TMCO5A: variants seen among roughly 807,000 people sequenced by gnomAD.
TMCO5A encodes the protein transmembrane and coiled-coil domain-containing protein 5A.
In TMCO5A, 34 loss-of-function variants were observed where a neutral mutation model predicts 42.3. The ratio of observed to expected loss-of-function variants is 0.80; its 90% CI spans 0.61 to 1.07. The LOEUF (loss-of-function observed/expected upper bound fraction) is 1.07. Ranked by LOEUF, TMCO5A falls within the 50% of genes least tolerant of loss-of-function variation. The pLI is 0.00. For missense variants in TMCO5A, 357 were observed against 327.9 expected, an observed-to-expected ratio of 1.09 and a Z score of -0.69; for synonymous variants, 131 against 115.6, an observed-to-expected ratio of 1.13 and a Z score of -0.86.
At chr15:38,023,779 G>A in the TMCO5A span, among the ~76,000 whole-genome samples, 1 of 152,094 alleles carries the variant, frequency 6.6e-6, no homozygotes, top group South Asian at 2.1e-4. Context: ...CTATCACATG[G>A]GTTTATCTTT....
chr15:37,947,358 A>G (rs1352579513), intron 10 of TMCO5A, among the ~76,000 whole-genome samples: 1 of 152,088 alleles, frequency 6.6e-6, no homozygotes, highest in Non-Finnish European at 1.5e-5. Context: ...ATGTGGAGTC[A>G]GAGTATCCAG....
downstream of TMCO5A, among the ~76,000 whole-genome samples, chr15:37,972,446 GTTA>G (rs1890692800): frequency 6.6e-6 from 1 of 152,126 alleles, no homozygotes; most frequent in South Asian, 2.1e-4. Flanking sequence ...GTCAGCATTT[GTTA>G]TTTTTTGAGT....
intron 5 of TMCO5A, 57 bp from the exon 6 acceptor site, chr15:37,938,101 G>GA: frequency 7.0e-7 from 1 of 1,427,466 alleles, no homozygotes; most frequent in Non-Finnish European, 9.6e-7. Context: ...ACACACCAGA[G>GA]AAAGTCTTTG....
chr15:38,012,872 A>G, the TMCO5A span, among the ~76,000 whole-genome samples: 1 of 152,214 alleles, frequency 6.6e-6, no homozygotes, highest in South Asian at 2.1e-4. Context: ...ATAGGGGATT[A>G]GCTACCAAGA....
At chr15:37,943,536 G>T (rs1173164399) in intron 10 of TMCO5A, 138 bp downstream of exon 10, 2 of 720,252 alleles carry the variant, frequency 2.8e-6, no homozygotes, top group East Asian at 5.6e-5. Flanking sequence ...TATAATTACA[G>T]AGCATTCCAA....
downstream of TMCO5A, chr15:37,951,520 A>C (rs937420649): frequency 9.0e-6 from 3 of 333,124 alleles, no homozygotes; most frequent in Non-Finnish European, 1.1e-5. Flanking sequence ...TAATTGATAA[A>C]TTATTCTAGT....
chr15:37,942,255 T>C lies in TMCO5A; in HGVS notation c.569T>C (p.Val190Ala), dbSNP rs1313400025. ...GAGGCTCTGTTCCTTGAGAGAGAAG[T>C]GTGAGCTTTGGCAAAGGAACATCCT... ...ELEALFLERE[V>A]SKLVSMNPVE... Residue 190 changes from valine to alanine, a missense_variant and splice_region_variant, in exon 9 of 12, where the codon GTA becomes GCA. Physicochemically the swap from Val to Ala is moderately conservative, Grantham distance 64 (BLOSUM62 0). Transcript: ENST00000319669. 1 of 1,612,592 alleles carries C rather than the reference T, an allele frequency of 6.2e-7. No individual in the cohort carries two copies.
chr15:37,946,410 T>G (rs114886633), intron 10 of TMCO5A, among the ~76,000 whole-genome samples: 2,098 of 152,268 alleles, frequency 0.014, 42 homozygotes, highest in African/African-American at 0.048. Flanking sequence ...ATGTCAATAG[T>G]AGTTTAATGT....
the TMCO5A span, among the ~76,000 whole-genome samples, chr15:37,973,477 T>C: frequency 1.3e-5 from 2 of 152,154 alleles, no homozygotes; most frequent in African/African-American, 2.4e-5. Context: ...ATTCTCATTG[T>C]AGAAATTTTT....
At chr15:38,035,823 C>T in the TMCO5A span, among the ~76,000 whole-genome samples, 2 of 152,124 alleles carry the variant, frequency 1.3e-5, no homozygotes, top group African/African-American at 4.8e-5. Context: ...AAGATGCTCT[C>T]GCACAAAGTG....
At chr15:38,017,155 C>A in the TMCO5A span, among the ~76,000 whole-genome samples, 1 of 152,052 alleles carries the variant, frequency 6.6e-6, no homozygotes, top group Non-Finnish European at 1.5e-5. Flanking sequence ...CCTGTGAAAG[C>A]AATGAAACCT....
chr15:37,979,634 G>A, the TMCO5A span, among the ~76,000 whole-genome samples: 1 of 152,114 alleles, frequency 6.6e-6, no homozygotes, highest in East Asian at 1.9e-4. Flanking sequence ...GAACCATGAG[G>A]AAAACAGAGT....
chr15:37,942,404 C>T (rs1889780111), intron 9 of TMCO5A, 149 bp downstream of exon 9: 8 of 661,816 alleles, frequency 1.2e-5, no homozygotes, highest in South Asian at 4.5e-5. Flanking sequence ...TCTGGTTGAC[C>T]CCAGTAGATC....
the TMCO5A span, among the ~76,000 whole-genome samples, chr15:38,029,430 T>C: frequency 2.0e-5 from 3 of 151,432 alleles, no homozygotes; most frequent in Non-Finnish European, 4.4e-5. Flanking sequence ...TGATAGTTCA[T>C]TATCCTGAGA....
intron 11 of TMCO5A, among the ~76,000 whole-genome samples, chr15:37,960,397 T>C (rs1890393177): frequency 6.6e-6 from 1 of 152,132 alleles, no homozygotes; most frequent in East Asian, 1.9e-4. Context: ...TATTCCATCA[T>C]ATAAATATAC....
the TMCO5A span, among the ~76,000 whole-genome samples, chr15:38,035,066 G>A: frequency 2.0e-5 from 3 of 152,176 alleles, no homozygotes; most frequent in African/African-American, 7.2e-5. Context: ...TATGGATAGA[G>A]CTTGCAGACT....
chr15:37,960,168 T>G (rs1294433003), intron 11 of TMCO5A, among the ~76,000 whole-genome samples: 1 of 151,728 alleles, frequency 6.6e-6, no homozygotes, highest in African/African-American at 2.4e-5. Flanking sequence ...TTCCCTACAT[T>G]TTTGTCCCTC....
chr15:37,991,533 A>G, the TMCO5A span, among the ~76,000 whole-genome samples: 6 of 151,840 alleles, frequency 4.0e-5, no homozygotes, highest in African/African-American at 1.5e-4. Flanking sequence ...TTCTCTGAAT[A>G]CTCTCTGCTT....
the TMCO5A span, among the ~76,000 whole-genome samples, chr15:38,016,120 TG>T: frequency 1.3e-3 from 200 of 152,034 alleles, no homozygotes; most frequent in African/African-American, 4.6e-3. Context: ...ACCCCTATGG[TG>T]GGGGGTGTTG....
Sources: gnomAD v4.1 joint callset for allele counts (sites outside exome capture counted in the v4.1 genomes callset) on GRCh38, gnomAD v4.1.1 for gene constraint, MANE v1.5 for transcripts, NCBI Gene and HGNC (gene_info 2026-07-23, HGNC 2026-07-21) for gene names.